Variants in SEMA3D observed in about 807,000 individuals in gnomAD.
The protein encoded by SEMA3D is semaphorin 3D, also known as semaphorin-3D.
A neutral mutation model predicts 100.1 loss-of-function variants in SEMA3D; 84 were observed. The observed-to-expected ratio is 0.84, with a 90% CI of 0.70 to 1.01. SEMA3D has a LOEUF of 1.01. Among genes scored for constraint, SEMA3D ranks in the 50% least tolerant of loss-of-function variants. The probability of loss-of-function intolerance (pLI) is 0.00; values close to 1 mark genes in which losing one functional copy is unlikely to be tolerated. For synonymous variants in SEMA3D, 312 were observed against 320.7 expected (o/e 0.97, Z 0.29); for missense variants, 875 against 934.1 (o/e 0.94, Z 0.82).
chr7:85,015,521 A>G, intron 15 of SEMA3D, among the ~76,000 whole-genome samples: 1 of 151,824 alleles, frequency 6.6e-6, no homozygotes, highest in African/African-American at 2.4e-5. Context: ...TCAATACTAG[A>G]AAATGTACTT....
chr7:85,119,987 G>T (rs1412654776), intron 3 of SEMA3D, among the ~76,000 whole-genome samples: 1 of 149,942 alleles, frequency 6.7e-6, no homozygotes, highest in African/African-American at 2.5e-5. Context: ...TAGAGACAGG[G>T]TCTTGCATAC....
At chr7:85,160,794 G>A (rs1221015783) in intron 1 of SEMA3D, among the ~76,000 whole-genome samples, 2 of 152,240 alleles carry the variant, frequency 1.3e-5, no homozygotes, top group East Asian at 3.9e-4. Context: ...AGCTCAACTT[G>A]GATGAGCAAC....
At chr7:85,064,707 A>G (rs1791567738) in intron 8 of SEMA3D, among the ~76,000 whole-genome samples, 1 of 152,162 alleles carries the variant, frequency 6.6e-6, no homozygotes, top group Non-Finnish European at 1.5e-5. Context: ...GAGAATCATG[A>G]TAAAATTTGA....
chr7:85,025,215 A>G (rs1010760713), intron 12 of SEMA3D, among the ~76,000 whole-genome samples: 5 of 152,018 alleles, frequency 3.3e-5, no homozygotes, highest in Non-Finnish European at 5.9e-5. Context: ...AGTAGGAAAT[A>G]AATCAGGAAA....
intron 2 of SEMA3D, among the ~76,000 whole-genome samples, chr7:85,128,400 A>G (rs2116425072): frequency 6.6e-6 from 1 of 151,954 alleles, no homozygotes; most frequent in Middle Eastern, 3.4e-3. Flanking sequence ...CAAGTTCCTG[A>G]CCTCGTGATC....
At chr7:85,146,518 C>A (rs899913758) in intron 2 of SEMA3D, among the ~76,000 whole-genome samples, 1 of 151,424 alleles carries the variant, frequency 6.6e-6, no homozygotes, top group Non-Finnish European at 1.5e-5. Context: ...TGGGCCACTG[C>A]ACTCCAGCCT....
chr7:85,161,073 A>G (rs1282340043), intron 1 of SEMA3D, among the ~76,000 whole-genome samples: 1 of 152,178 alleles, frequency 6.6e-6, no homozygotes, highest in Non-Finnish European at 1.5e-5. Flanking sequence ...GGTGACCATG[A>G]TTCTGGAAGA....
chr7:85,042,158 A>G lies in SEMA3D; in HGVS notation c.976+13T>C. The G allele has an allele frequency of 6.4e-7, 1 of 1,559,728 alleles. No individual in the cohort carries two copies. Among genetic ancestry groups the G allele is most frequent in the Non-Finnish European group, 8.8e-7 (1 of 1,131,066 alleles). On this transcript the variant is annotated intron_variant, in intron 10 of 18. Transcript: ENST00000284136. The stretch of plus-strand genomic sequence containing the variant: ...TAAGGCCTTTCCAAGAAAGAAGGAA[A>G]GAAGGAACTTACGAAGCTCATCAAA...
chr7:85,138,570 C>T (rs2116454567), intron 2 of SEMA3D, among the ~76,000 whole-genome samples: 1 of 148,638 alleles, frequency 6.7e-6, no homozygotes. Flanking sequence ...ACATGAATAC[C>T]TTTCACCCCT....
intron 2 of SEMA3D, among the ~76,000 whole-genome samples, chr7:85,122,751 C>A (rs975595375): frequency 6.6e-6 from 1 of 152,064 alleles, no homozygotes; most frequent in African/African-American, 2.4e-5. Context: ...TGGAACAATG[C>A]AATGTTACCT....
the SEMA3D span, among the ~76,000 whole-genome samples, chr7:85,207,120 T>C: frequency 6.6e-6 from 1 of 152,126 alleles, no homozygotes; most frequent in African/African-American, 2.4e-5. Flanking sequence ...CTATGATTCA[T>C]TTATAAATTA....
chr7:85,195,063 C>A, the SEMA3D span, among the ~76,000 whole-genome samples: 99,724 of 151,930 alleles, frequency 0.66, 33,312 homozygotes, highest in East Asian at 0.92. Context: ...GAATGAAGGG[C>A]ATTTTTTGTT....
chr7:85,207,747 A>G, the SEMA3D span, among the ~76,000 whole-genome samples: 1 of 152,118 alleles, frequency 6.6e-6, no homozygotes. Flanking sequence ...TGTTACCTTC[A>G]TGAAAATATT....
chr7:85,162,610 A>T (rs543457107), intron 1 of SEMA3D, among the ~76,000 whole-genome samples: 2 of 152,266 alleles, frequency 1.3e-5, no homozygotes, highest in African/African-American at 4.8e-5. Flanking sequence ...TTAGAACAAA[A>T]GGACACTCTA....
At chr7:85,084,580 T>C (rs1271245663) in intron 4 of SEMA3D, among the ~76,000 whole-genome samples, 2 of 152,134 alleles carry the variant, frequency 1.3e-5, no homozygotes, top group African/African-American at 2.4e-5. Flanking sequence ...GTTTTTTTTT[T>C]CAATAATATT....
the SEMA3D span, among the ~76,000 whole-genome samples, chr7:85,205,049 A>AT: frequency 6.6e-6 from 1 of 152,134 alleles, no homozygotes; most frequent in African/African-American, 2.4e-5. Flanking sequence ...TATTTTAAGC[A>AT]TTTTTTTCAC....
chr7:85,169,906 G>A (rs2116543475), intron 1 of SEMA3D, among the ~76,000 whole-genome samples: 1 of 151,540 alleles, frequency 6.6e-6, no homozygotes, highest in South Asian at 2.1e-4. Flanking sequence ...ATATAAAATA[G>A]TTTTAAATTT....
intron 2 of SEMA3D, among the ~76,000 whole-genome samples, chr7:85,123,511 G>A (rs1789486385): frequency 6.6e-6 from 1 of 152,042 alleles, no homozygotes; most frequent in African/African-American, 2.4e-5. Context: ...ATGTCTCCCA[G>A]ACTTTGAATA....
chr7:85,176,690 TA>T lies in SEMA3D; in HGVS notation c.-173+9987del, dbSNP rs969813678. Among the ~76,000 whole-genome samples the T allele has an allele frequency of 5.3e-3, 806 of 151,408 alleles. 10 individuals are homozygous for T. The highest frequency in any genetic ancestry group is 0.018 in the African/African-American group (758 of 41,282). ...TTCCTGAGAGACACTAAAACTCAAT[TA>T]AAAAAAATTCAGCAATTTGGAACAT... On this transcript the variant is annotated intron_variant, in intron 1 of 18. Transcript: ENST00000284136.
Sources: gnomAD v4.1 joint callset for allele counts (sites outside exome capture counted in the v4.1 genomes callset) on GRCh38, gnomAD v4.1.1 for gene constraint, MANE v1.5 for transcripts, NCBI Gene and HGNC (gene_info 2026-07-23, HGNC 2026-07-21) for gene names.